Variants in ADAMTSL3 observed in about 807,000 individuals in gnomAD.
ADAMTSL3 encodes ADAMTS-like protein 3.
In ADAMTSL3, 128 loss-of-function variants were observed where a neutral mutation model predicts 201.7. That is an observed-to-expected ratio of 0.63 (90% confidence interval 0.55 to 0.73). The LOEUF is 0.73. ADAMTSL3 is among the 30% of genes least tolerant of loss of function. ADAMTSL3 has a pLI of 0.00. For synonymous variants in ADAMTSL3, 738 were observed against 748.4 expected (o/e 0.99, Z 0.23); for missense variants, 1,990 against 2,119.6 (o/e 0.94, Z 1.20).
rs1461018119 is a variant in ADAMTSL3, at chr15:83,754,188, C to G, written c.190-19335C>G. Reference sequence around the variant, plus strand: ...TGCAACAACCATAAATGTCTCCAGGCATCTCAAAATGTTCCCTGGGGGGCA... The same window carrying G: ...TGCAACAACCATAAATGTCTCCAGGGATCTCAAAATGTTCCCTGGGGGGCA... On this transcript the variant is annotated intron_variant, in intron 3 of 29. Transcript: ENST00000286744. 2.0e-5 allele frequency among the ~76,000 whole-genome samples: 3 copies of G among 152,272 alleles called. No homozygotes were observed. The South Asian group carries it at 6.2e-4, about 32-fold the overall frequency.
intron 3 of ADAMTSL3, among the ~76,000 whole-genome samples, chr15:83,761,042 C>A (rs1456721706): frequency 6.6e-6 from 1 of 152,020 alleles, no homozygotes; most frequent in Non-Finnish European, 1.5e-5. Flanking sequence ...TTTTTCTCTC[C>A]ATTTTTGCCT....
rs776916946 is a variant in ADAMTSL3, at chr15:83,890,121, A to G, written c.1085A>G (p.Asn362Ser). ...TCTAACACTTTAGGTTATCAGCTCA[A>G]TTCTGCTGAATGTGTGGATATCCGC... ...TVTCGGGYQLNSAECVDIRLK... is the reference protein window; with the variant it reads ...TVTCGGGYQLSSAECVDIRLK... Residue 362 changes from asparagine (N) to serine (S), a missense_variant, in exon 11 of 30, where the codon AAT becomes AGT. Transcript: ENST00000286744. 6.2e-6 allele frequency: 10 copies of G among 1,613,326 alleles called. No individual in the cohort carries two copies. The highest frequency in any genetic ancestry group is 2.2e-5 in the South Asian group (2 of 90,876).
intron 10 of ADAMTSL3, among the ~76,000 whole-genome samples, chr15:83,889,420 C>T (rs1246443576): frequency 1.3e-5 from 2 of 152,046 alleles, no homozygotes; most frequent in African/African-American, 2.4e-5. Context: ...AACCACCCAG[C>T]GCAAGGGTAG....
At chr15:83,854,880 GTCT>G (rs1253430043) in intron 7 of ADAMTSL3, among the ~76,000 whole-genome samples, 1 of 152,162 alleles carries the variant, frequency 6.6e-6, no homozygotes, top group East Asian at 1.9e-4. Flanking sequence ...ACTTTAAACT[GTCT>G]TCTTTTGTCA....
intron 27 of ADAMTSL3, among the ~76,000 whole-genome samples, chr15:84,030,247 A>T (rs574649894): frequency 6.6e-6 from 1 of 152,194 alleles, no homozygotes; most frequent in African/African-American, 2.4e-5. Context: ...GAAAAGCCAC[A>T]GTCACTTAAC....
chr15:83,795,836 C>A (rs1026386403), intron 4 of ADAMTSL3, among the ~76,000 whole-genome samples: 1 of 152,040 alleles, frequency 6.6e-6, no homozygotes. Flanking sequence ...GAGAGTCAGG[C>A]CACCAACCGG....
At chr15:83,689,153 C>A (rs764822455) in intron 2 of ADAMTSL3, among the ~76,000 whole-genome samples, 8 of 152,052 alleles carry the variant, frequency 5.3e-5, no homozygotes, top group Non-Finnish European at 1.0e-4. Context: ...AATGTATATA[C>A]AAAAGAATTC....
intron 2 of ADAMTSL3, among the ~76,000 whole-genome samples, chr15:83,672,664 C>T (rs1177181744): frequency 6.6e-6 from 1 of 152,204 alleles, no homozygotes; most frequent in Non-Finnish European, 1.5e-5. Flanking sequence ...AAGTCCAACA[C>T]CCTTTACTGT....
intron 4 of ADAMTSL3, among the ~76,000 whole-genome samples, chr15:83,790,384 T>C (rs1264586862): frequency 6.6e-6 from 1 of 151,470 alleles, no homozygotes; most frequent in African/African-American, 2.4e-5. Context: ...TTATAGACCA[T>C]AACCAAATGG....
Position 84,031,449 on chromosome 15 carries a change from A to T in ADAMTSL3, c.4754+17A>T. 3 of 1,607,886 alleles carry T rather than the reference A, an allele frequency of 1.9e-6. No homozygotes were observed. The highest frequency in any genetic ancestry group is 2.6e-6 in the Non-Finnish European group (3 of 1,174,432). ...CAGAAAGAGGTAGGGGCCCCACCCC[A>T]GAGCAGCACACATTCTCTCCTGACT... On this transcript the variant is annotated intron_variant, in intron 28 of 29. Transcript: ENST00000286744.
chr15:83,762,179 C>A (rs2062817697), intron 3 of ADAMTSL3, among the ~76,000 whole-genome samples: 1 of 152,026 alleles, frequency 6.6e-6, no homozygotes, highest in African/African-American at 2.4e-5. Context: ...GCCTCCTGAG[C>A]AGCTGGGGCT....
chr15:83,717,335 A>G (rs1452624299), intron 3 of ADAMTSL3: 2 of 152,240 alleles, frequency 1.3e-5, no homozygotes, highest in Non-Finnish European at 2.9e-5. Flanking sequence ...GGCTAAGATT[A>G]CAGTTGCCCT....
At chr15:83,980,196 G>A (rs1381004096) in intron 20 of ADAMTSL3, among the ~76,000 whole-genome samples, 2 of 152,094 alleles carry the variant, frequency 1.3e-5, no homozygotes, top group African/African-American at 2.4e-5. Flanking sequence ...AGCCTCTGCT[G>A]GAACCCCATG....
At chr15:83,939,746 C>CAAGTAGCTGGGATTACAGGCGTGCA (rs2066521968) in intron 17 of ADAMTSL3, among the ~76,000 whole-genome samples, 1 of 151,856 alleles carries the variant, frequency 6.6e-6, no homozygotes, top group Non-Finnish European at 1.5e-5. Flanking sequence ...CTCAGCCTAC[C>CAAGTAGCTGGGATTACAGGCGTGCA]AAGTAGCTGG....
chr15:83,792,638 C>A (rs1476779421), intron 4 of ADAMTSL3, among the ~76,000 whole-genome samples: 1 of 152,016 alleles, frequency 6.6e-6, no homozygotes, highest in Non-Finnish European at 1.5e-5. Flanking sequence ...ACAAAATTAG[C>A]CAGGCATGGT....
Position 84,014,565 on chromosome 15 carries a change from T to C in ADAMTSL3, c.3997T>C (p.Trp1333Arg), listed in dbSNP as rs1401554026. Residue 1333 changes from tryptophan (W) to arginine (R), a missense_variant, in exon 24 of 30, where the codon TGG (tryptophan) becomes CGG (arginine). Coordinates refer to ENST00000286744, the MANE Select transcript of ADAMTSL3 (RefSeq NM_207517.3). ...AGGTGTCCCTCAGCCTAATATAACTTGGTTGAAGAGAGGAGGATCTCTGAG... is the reference window on the plus strand; with the variant it reads ...AGGTGTCCCTCAGCCTAATATAACTCGGTTGAAGAGAGGAGGATCTCTGAG... ...VKGVPQPNIT[W>R]LKRGGSLSGN... 5.0e-6 allele frequency: 8 copies of C among 1,613,908 alleles called. No homozygotes were observed. In the African/African-American group the frequency reaches 1.1e-4, roughly 22 times the overall value.
chr15:83,769,925 A>G (rs1477896989), intron 3 of ADAMTSL3, among the ~76,000 whole-genome samples: 2 of 152,006 alleles, frequency 1.3e-5, no homozygotes, highest in Admixed American at 6.6e-5. Flanking sequence ...TCCAGCTTAG[A>G]ACTTACCTAT....
At chr15:83,657,489 A>G (rs1235909527) in intron 2 of ADAMTSL3, among the ~76,000 whole-genome samples, 1 of 152,212 alleles carries the variant, frequency 6.6e-6, no homozygotes, top group African/African-American at 2.4e-5. Flanking sequence ...TTACTGTGTC[A>G]CGCAAACGTC....
In ADAMTSL3 at chr15:83,724,061, G is replaced by T. The variant is rs190071635; in HGVS notation, c.189+19553G>T. ...ACTCCTGGTTCTGATTTCCCTTCTTGTTTTTTTTTAATTTTTAAATTTTAT... is the reference window on the plus strand; with the variant it reads ...ACTCCTGGTTCTGATTTCCCTTCTTTTTTTTTTTTAATTTTTAAATTTTAT... On this transcript the variant is annotated intron_variant, in intron 3 of 29. Coordinates refer to ENST00000286744, the MANE Select transcript of ADAMTSL3 (RefSeq NM_207517.3). 2.0e-4 allele frequency among the ~76,000 whole-genome samples: 29 copies of T among 148,292 alleles called. No homozygotes were observed. In the East Asian group the frequency reaches 5.7e-3, roughly 29 times the overall value.
Sources: gnomAD v4.1 joint callset for allele counts (sites outside exome capture counted in the v4.1 genomes callset) on GRCh38, gnomAD v4.1.1 for gene constraint, MANE v1.5 for transcripts, NCBI Gene and HGNC (gene_info 2026-07-23, HGNC 2026-07-21) for gene names.